CTPS2: variants seen among roughly 807,000 people sequenced by gnomAD.
The protein encoded by CTPS2 is CTP synthase 2.
Under a neutral mutation model 46.8 loss-of-function variants are expected in CTPS2, and 19 were observed. The ratio of observed to expected loss-of-function variants is 0.41; its 90% CI spans 0.28 to 0.60. The LOEUF is 0.60. Among genes scored for constraint, CTPS2 ranks in the 20% least tolerant of loss-of-function variants. The pLI, the probability that CTPS2 is intolerant of heterozygous loss-of-function variation, is 0.35. For missense variants in CTPS2, 286 were observed against 447.6 expected, an observed-to-expected ratio of 0.64 and a Z score of 3.26; for synonymous variants, 151 against 165.2, an observed-to-expected ratio of 0.91 and a Z score of 0.66.
At chrX:16,688,956 G>A (rs767084071) in intron 8 of CTPS2, among the ~76,000 whole-genome samples, 197 of 109,742 alleles carry the variant, frequency 1.8e-3, no homozygotes, top group African/African-American at 5.9e-3. Context: ...TATATTAGCC[G>A]GGTGTGGTGG....
At chrX:16,706,132 GAAAT>G (rs1225689330) in intron 1 of CTPS2, among the ~76,000 whole-genome samples, 4 of 108,356 alleles carry the variant, frequency 3.7e-5, no homozygotes, top group Admixed American at 1.0e-4. Flanking sequence ...GAAAAGAAAA[GAAAT>G]AAAGTCACCA....
At chrX:16,593,885 G>A (rs1235739424) in intron 17 of CTPS2, among the ~76,000 whole-genome samples, 1 of 109,857 alleles carries the variant, frequency 9.1e-6, no homozygotes, top group South Asian at 3.9e-4. Flanking sequence ...AATATTTGGA[G>A]GAAAAAAAAA....
rs181585972 is a variant in CTPS2 at position 16,709,760 on chromosome X, A to C, written c.-40+2575T>G. On this transcript the variant is annotated intron_variant, in intron 1 of 18. Coordinates refer to ENST00000359276, the MANE Select transcript of CTPS2 (RefSeq NM_175859.3). The stretch of plus-strand genomic sequence containing the variant: ...GGTACTCGGGAGGCTGAGGCAGGAG[A>C]ATCACTTGAACCCAGGAGGTGAAGG... Among the ~76,000 whole-genome samples, 191 of 103,867 alleles carry C rather than the reference A, an allele frequency of 1.8e-3. 1 individual carries two copies. Among genetic ancestry groups the C allele is most frequent in the Middle Eastern group, 5.1e-3 (1 of 198 alleles). The allele number at this position is 103,867 out of a possible 115,157, so 90.2% of individuals were successfully genotyped here.
chrX:16,654,313 G>T, intron 13 of CTPS2: 1 of 552,036 alleles, frequency 1.8e-6, no homozygotes, highest in Non-Finnish European at 2.9e-6. Flanking sequence ...TTGGCACACA[G>T]ACCCCAAGGC....
intron 17 of CTPS2, among the ~76,000 whole-genome samples, chrX:16,601,575 G>A (rs896525255): frequency 6.2e-4 from 18 of 28,959 alleles, no homozygotes; most frequent in African/African-American, 1.7e-3. Flanking sequence ...AAGCCATCGG[G>A]GGGGGGGGGG....
At chrX:16,685,714 A>G (rs892042490) in intron 8 of CTPS2, among the ~76,000 whole-genome samples, 2 of 106,463 alleles carry the variant, frequency 1.9e-5, no homozygotes, top group Non-Finnish European at 3.9e-5. Context: ...CAAAAAAAAA[A>G]AAATTAGCCG....
chrX:16,605,231 G>A (rs1414963884), intron 17 of CTPS2, among the ~76,000 whole-genome samples: 3 of 111,676 alleles, frequency 2.7e-5, no homozygotes, highest in Non-Finnish European at 5.6e-5. Context: ...CCTAAACTCT[G>A]AGCCTCAAAC....
intron 13 of CTPS2, among the ~76,000 whole-genome samples, chrX:16,655,246 C>T (rs780572057): frequency 3.6e-5 from 4 of 112,257 alleles, no homozygotes; most frequent in African/African-American, 1.3e-4. Flanking sequence ...CTAGAGGCGG[C>T]CCCACTCATC....
At chrX:16,662,140 T>A (rs1027763318) in intron 13 of CTPS2, among the ~76,000 whole-genome samples, 1 of 110,439 alleles carries the variant, frequency 9.1e-6, no homozygotes, top group African/African-American at 3.3e-5. Flanking sequence ...GTGATTGATA[T>A]AGGGTTAGAA....
chrX:16,683,081 G>C lies in CTPS2; in HGVS notation c.1005+13C>G. 8.3e-7 allele frequency: 1 copy of C among 1,210,915 alleles called. No homozygotes were observed. The highest frequency in any genetic ancestry group is 1.1e-6 in the Non-Finnish European group (1 of 895,074). The stretch of plus-strand genomic sequence containing the variant: ...AATTACTGAGATAGCCAAAAGACCA[G>C]GCCAGGACTCACCATCAGATTCAAC... On this transcript the variant is annotated intron_variant, in intron 9 of 18. Transcript: ENST00000359276.
intron 17 of CTPS2, among the ~76,000 whole-genome samples, chrX:16,594,113 A>C (rs1929102444): frequency 8.9e-6 from 1 of 111,787 alleles, no homozygotes; most frequent in Non-Finnish European, 1.9e-5. Context: ...CAGAATCCCC[A>C]TTATACTAGC....
intron 17 of CTPS2, among the ~76,000 whole-genome samples, chrX:16,607,725 G>A (rs1242364058): frequency 1.8e-5 from 2 of 112,839 alleles, no homozygotes; most frequent in African/African-American, 3.2e-5. Flanking sequence ...GCAACACTGC[G>A]AGGGTTGTTT....
intron 13 of CTPS2, among the ~76,000 whole-genome samples, chrX:16,645,708 A>G (rs112704172): frequency 0.016 from 1,783 of 112,639 alleles, 30 homozygotes; most frequent in African/African-American, 0.054. Flanking sequence ...CCCAAAGTTG[A>G]TGTGTTGCAA....
At chrX:16,700,371 C>A (rs1368188175) in intron 2 of CTPS2, among the ~76,000 whole-genome samples, 3 of 109,332 alleles carry the variant, frequency 2.7e-5, no homozygotes, top group Non-Finnish European at 5.7e-5. Context: ...CCTGCTTCAG[C>A]CTCCCAAAAT....
At chrX:16,595,487 T>C (rs903213927) in intron 17 of CTPS2, among the ~76,000 whole-genome samples, 1 of 110,306 alleles carries the variant, frequency 9.1e-6, no homozygotes, top group African/African-American at 3.3e-5. Context: ...TTTATATTTT[T>C]AGTAGAGACA....
chrX:16,620,372 A>T (rs1414676998), intron 14 of CTPS2, 40 bp from the exon 15 acceptor site: 1 of 1,006,265 alleles, frequency 9.9e-7, no homozygotes, highest in Non-Finnish European at 1.4e-6. Context: ...TAGAGTAAGC[A>T]GCTTCACAAG....
chrX:16,698,047 G>A (rs894999158), intron 4 of CTPS2, among the ~76,000 whole-genome samples, 189 bp downstream of exon 4: 1 of 111,210 alleles, frequency 9.0e-6, no homozygotes, highest in Non-Finnish European at 1.9e-5. Context: ...TCTGTCTAAT[G>A]CCAATCTTGC....
At chrX:16,625,152 T>C (rs1392823275) in intron 14 of CTPS2, among the ~76,000 whole-genome samples, 4 of 112,362 alleles carry the variant, frequency 3.6e-5, no homozygotes, top group Non-Finnish European at 7.5e-5. Flanking sequence ...CACTGAGGGA[T>C]GAATGGATAA....
chrX:16,635,996 A>G (rs1333348323), intron 14 of CTPS2, among the ~76,000 whole-genome samples: 1 of 112,541 alleles, frequency 8.9e-6, no homozygotes, highest in Non-Finnish European at 1.9e-5. Flanking sequence ...TGAGGAATGG[A>G]TAAACAAAAT....
Sources: gnomAD v4.1 joint callset for allele counts (sites outside exome capture counted in the v4.1 genomes callset) on GRCh38, gnomAD v4.1.1 for gene constraint, MANE v1.5 for transcripts, NCBI Gene and HGNC (gene_info 2026-07-23, HGNC 2026-07-21) for gene names.